Variants in CLASP2 observed in about 807,000 individuals in gnomAD.
The protein encoded by CLASP2 is CLIP-associating protein 2.
A neutral mutation model predicts 194.4 loss-of-function variants in CLASP2; 47 were observed. That is an observed-to-expected ratio of 0.24 (90% CI 0.19 to 0.31). The LOEUF is 0.31. Among genes scored for constraint, CLASP2 ranks in the 10% least tolerant of loss-of-function variants. The pLI, the probability that CLASP2 is intolerant of heterozygous loss-of-function variation, is 1.00. For synonymous variants in CLASP2, 619 were observed against 633.5 expected, an observed-to-expected ratio of 0.98 and a Z score of 0.34; for missense variants, 1,445 against 1,823.6, an observed-to-expected ratio of 0.79 and a Z score of 3.78.
At chr3:33,608,819 C>G (rs573049321) in intron 13 of CLASP2, among the ~76,000 whole-genome samples, 193 bp from the exon 14 acceptor site, 27 of 131,852 alleles carry the variant, frequency 2.0e-4, no homozygotes, top group Non-Finnish European at 3.5e-4. Flanking sequence ...GTGGCGCGAT[C>G]TCGGCTCACT....
At chr3:33,646,768 T>C (rs1278763103) in intron 7 of CLASP2, among the ~76,000 whole-genome samples, 1 of 152,198 alleles carries the variant, frequency 6.6e-6, no homozygotes, top group Non-Finnish European at 1.5e-5. Flanking sequence ...ACACAGCTAA[T>C]TAATTTTCAC....
chr3:33,563,876 T>C (rs2062194352), intron 27 of CLASP2: 5 of 455,922 alleles, frequency 1.1e-5, no homozygotes, highest in Non-Finnish European at 2.2e-5. Flanking sequence ...TCTGGAAACA[T>C]AAACTCTTTA....
intron 7 of CLASP2, among the ~76,000 whole-genome samples, chr3:33,657,615 T>A (rs540453727): frequency 3.9e-5 from 6 of 151,918 alleles, no homozygotes. Flanking sequence ...AGGAAGAAAC[T>A]TGGCAATGCC....
chr3:33,595,940 C>G (rs947523216), intron 19 of CLASP2, among the ~76,000 whole-genome samples: 1 of 151,934 alleles, frequency 6.6e-6, no homozygotes, highest in African/African-American at 2.4e-5. Context: ...TATATTAGAT[C>G]AATTTTCCAT....
At position 33,535,300 on chromosome 3, in the gene CLASP2, G is replaced by T; in HGVS notation, c.3720C>A (p.Ile1240=). 6.2e-7 allele frequency: 1 copy of T among 1,613,924 alleles called. No homozygotes were observed. Among genetic ancestry groups the T allele is most frequent in the Non-Finnish European group, 8.5e-7 (1 of 1,179,836 alleles). The part of the protein sequence containing the change: ...DYNPYNYSDS[I]SPFNKSALKE... ...TGAGGGCAGACTTGTTGAAGGGACT[G>T]ATGCTATCTGAATAGTTATATGGAT... Residue 1240 remains isoleucine, a synonymous_variant, in exon 34 of 39, where the codon ATC becomes ATA. Transcript: ENST00000682230.
intron 1 of CLASP2, among the ~76,000 whole-genome samples, chr3:33,715,443 TTTTA>T (rs1183962722): frequency 1.3e-5 from 2 of 152,204 alleles, no homozygotes; most frequent in African/African-American, 2.4e-5. Flanking sequence ...ACACTATACA[TTTTA>T]TTTATCTTTC....
chr3:33,524,168 G>A (rs1216523841), intron 34 of CLASP2, among the ~76,000 whole-genome samples: 1 of 151,948 alleles, frequency 6.6e-6, no homozygotes, highest in Non-Finnish European at 1.5e-5. Context: ...GATGAAAAAG[G>A]ACAGAAAGAT....
chr3:33,684,514 A>C, intron 5 of CLASP2, 58 bp from the exon 6 acceptor site: 1 of 1,183,138 alleles, frequency 8.5e-7, no homozygotes, highest in Non-Finnish European at 1.2e-6. Context: ...AAAATACTTC[A>C]TCTCAAGGTA....
chr3:33,526,599 A>G (rs2054624474), intron 34 of CLASP2, among the ~76,000 whole-genome samples: 2 of 152,190 alleles, frequency 1.3e-5, no homozygotes, highest in Non-Finnish European at 2.9e-5. Context: ...AAAGATATTC[A>G]GGACTAAACT....
chr3:33,559,929 G>T (rs2154177167), intron 28 of CLASP2, among the ~76,000 whole-genome samples: 1 of 152,136 alleles, frequency 6.6e-6, no homozygotes, highest in South Asian at 2.1e-4. Context: ...GGAAATAATA[G>T]TCTATCTTGC....
intron 16 of CLASP2, among the ~76,000 whole-genome samples, chr3:33,605,785 A>G (rs1202847221): frequency 6.6e-6 from 1 of 152,012 alleles, no homozygotes; most frequent in African/African-American, 2.4e-5. Context: ...TGCCTGGCTA[A>G]TTTTTAGTAG....
intron 33 of CLASP2, among the ~76,000 whole-genome samples, chr3:33,535,718 G>A (rs2057201001): frequency 6.6e-6 from 1 of 152,088 alleles, no homozygotes; most frequent in Non-Finnish European, 1.5e-5. Context: ...GATTATTACA[G>A]TTCCCTTGCA....
intron 21 of CLASP2, among the ~76,000 whole-genome samples, chr3:33,589,220 C>T (rs1302135414): frequency 6.6e-6 from 1 of 152,072 alleles, no homozygotes; most frequent in Non-Finnish European, 1.5e-5. Flanking sequence ...ACGGGCTGTA[C>T]AATCATTTGT....
At chr3:33,615,003 A>G (rs1018607732) in intron 12 of CLASP2, among the ~76,000 whole-genome samples, 25 of 152,212 alleles carry the variant, frequency 1.6e-4, no homozygotes, top group African/African-American at 5.8e-4. Flanking sequence ...TTTGTGAAAG[A>G]AAAGGAAAGT....
chr3:33,604,131 C>A, intron 17 of CLASP2, 23 bp downstream of exon 17: 2 of 1,521,948 alleles, frequency 1.3e-6, no homozygotes, highest in Non-Finnish European at 8.9e-7. Context: ...TAGGTTATAA[C>A]TCTTATTTAA....
rs531436924 is a variant in CLASP2, at chr3:33,586,912, T to C, written c.2069-1992A>G. Among the ~76,000 whole-genome samples, 7 of 152,192 alleles carry C rather than the reference T, an allele frequency of 4.6e-5. No individual in the cohort carries two copies. The East Asian group carries it at 1.4e-3, about 29-fold the overall frequency. ...AAGCAGGGAGTAGTAAGATGACTGA[T>C]CAAGAGGGGGGGTGCCTGCCCTTTC... On this transcript the variant is annotated intron_variant, in intron 21 of 38. Coordinates refer to ENST00000682230, the MANE Select transcript of CLASP2 (RefSeq NM_001365631.1).
rs2046067195 is a variant in CLASP2 at position 33,498,430 on chromosome 3, T to C, written c.*201A>G. On this transcript the variant is annotated 3_prime_UTR_variant, in exon 39 of 39. Transcript: ENST00000682230. Reference sequence around the variant, plus strand: ...ATGTTAATACTGCTTCTTCTTGAATTTGGAATAACTATCATAAAAGTTACA... The same window carrying C: ...ATGTTAATACTGCTTCTTCTTGAATCTGGAATAACTATCATAAAAGTTACA... 2.3e-6 allele frequency: 1 copy of C among 439,616 alleles called. No homozygotes were observed. The highest frequency in any genetic ancestry group is 2.0e-5 in the African/African-American group (1 of 49,850). 27.2% of individuals were successfully genotyped at this position (439,616 alleles called of 1,614,324 possible).
At chr3:33,622,083 G>A in intron 11 of CLASP2, 52 bp downstream of exon 11, 3 of 1,292,666 alleles carry the variant, frequency 2.3e-6, no homozygotes, top group Non-Finnish European at 3.1e-6. Context: ...ATGAATCAGT[G>A]AATACTAAAT....
chr3:33,659,224 C>G, intron 7 of CLASP2: 1 of 1,303,322 alleles, frequency 7.7e-7, no homozygotes, highest in Non-Finnish European at 9.7e-7. Context: ...CCTAGAAGGA[C>G]TTGATTAAGA....
Sources: gnomAD v4.1 joint callset for allele counts (sites outside exome capture counted in the v4.1 genomes callset) on GRCh38, gnomAD v4.1.1 for gene constraint, MANE v1.5 for transcripts, NCBI Gene and HGNC (gene_info 2026-07-23, HGNC 2026-07-21) for gene names.